Variants in FER1L6 observed in about 807,000 individuals in gnomAD.
The protein encoded by FER1L6 is fer-1-like protein 6.
FER1L6 carries 177 observed loss-of-function variants against 219.2 expected under a neutral mutation model. The ratio of observed to expected loss-of-function variants is 0.81; its 90% CI spans 0.71 to 0.91. The LOEUF is 0.91. Ranked by LOEUF, FER1L6 falls within the 40% of genes least tolerant of loss-of-function variation. The pLI is 0.00. For missense variants in FER1L6, 2,153 were observed against 2,259.9 expected (o/e 0.95, Z 0.96); for synonymous variants, 768 against 824.3 (o/e 0.93, Z 1.17).
At chr8:124,075,914 C>G (rs923346646) in intron 31 of FER1L6, among the ~76,000 whole-genome samples, 2 of 152,222 alleles carry the variant, frequency 1.3e-5, no homozygotes, top group African/African-American at 4.8e-5. Context: ...CCAAGAGCTT[C>G]TTTCCACTGA....
chr8:123,918,032 G>C (rs971641186), intron 1 of FER1L6, among the ~76,000 whole-genome samples: 4 of 152,124 alleles, frequency 2.6e-5, no homozygotes, highest in African/African-American at 4.8e-5. Flanking sequence ...AATACAGGCC[G>C]GGCCTAGTGG....
chr8:123,854,860 C>T (rs1816602637), intron 1 of FER1L6, among the ~76,000 whole-genome samples: 1 of 152,172 alleles, frequency 6.6e-6, no homozygotes, highest in Non-Finnish European at 1.5e-5. Context: ...CTGCTATACA[C>T]TTACCATAAT....
At chr8:124,058,754 C>G (rs532430774) in intron 22 of FER1L6, 1 of 152,294 alleles carries the variant, frequency 6.6e-6, no homozygotes, top group South Asian at 2.1e-4. Flanking sequence ...TTAACTTTCC[C>G]AGTGAGGTGA....
intron 33 of FER1L6, among the ~76,000 whole-genome samples, chr8:124,088,376 G>A (rs1400948163): frequency 6.6e-6 from 1 of 151,984 alleles, no homozygotes; most frequent in Non-Finnish European, 1.5e-5. Context: ...TGCCTGGCTT[G>A]TGTCTCTCCT....
In FER1L6 at chr8:123,977,611, T is replaced by A. The variant is rs1457129434; in HGVS notation, c.1063+2T>A. ...CCAACGAACAGGATGGAGACAAAGGTAAAGTCCCATCCATCTGACTTGAAA... is the reference window on the plus strand; with the variant it reads ...CCAACGAACAGGATGGAGACAAAGGAAAAGTCCCATCCATCTGACTTGAAA... On this transcript the variant is annotated splice_donor_variant, in intron 10 of 40. Coordinates refer to ENST00000522917, the MANE Select transcript of FER1L6 (RefSeq NM_001039112.2). LOFTEE classifies it high-confidence loss of function. 19 of 1,613,524 alleles carry A rather than the reference T, an allele frequency of 1.2e-5. No individual in the cohort carries two copies. The highest frequency in any genetic ancestry group is 1.1e-5 in the Non-Finnish European group (13 of 1,179,636).
At chr8:123,941,013 T>C (rs1814219182) in intron 1 of FER1L6, among the ~76,000 whole-genome samples, 2 of 152,206 alleles carry the variant, frequency 1.3e-5, no homozygotes, top group Admixed American at 6.5e-5. Flanking sequence ...TTTTTGTATA[T>C]TTATTTATAC....
intron 11 of FER1L6, among the ~76,000 whole-genome samples, chr8:123,983,068 C>A (rs1816389996): frequency 6.6e-6 from 1 of 152,204 alleles, no homozygotes; most frequent in African/African-American, 2.4e-5. Context: ...GGAAGATTAG[C>A]AAAGAATTTG....
chr8:124,000,854 C>T lies in FER1L6; in HGVS notation c.1520-2313C>T, dbSNP rs148367954. ...TACAGCTGGAAGCCTAACAAAGAAT[C>T]TCCTGTCTGCATGACGAGAAAATGG... On this transcript the variant is annotated intron_variant, in intron 12 of 40. Transcript: ENST00000522917. 2.5e-3 allele frequency among the ~76,000 whole-genome samples: 375 copies of T among 152,290 alleles called. 5 individuals carry two copies. Among genetic ancestry groups the T allele is most frequent in the African/African-American group, 8.7e-3 (363 of 41,564 alleles).
Position 124,119,935 on chromosome 8 carries a change from A to T in FER1L6, c.*145A>T. 3.7e-6 allele frequency: 3 copies of T among 806,620 alleles called. No individual in the cohort carries two copies. The highest frequency in any genetic ancestry group is 2.7e-5 in the South Asian group (1 of 37,342). The allele number at this position is 806,620 out of a possible 1,614,324, so 50.0% of individuals were successfully genotyped here. On this transcript the variant is annotated 3_prime_UTR_variant, in exon 41 of 41. Transcript: ENST00000522917. Reference sequence around the variant, plus strand: ...TTCTTGGAAGAGATGGAAAAGAAACATTTCCTCCCTGCTCCAACCCCTGCC... The same window carrying T: ...TTCTTGGAAGAGATGGAAAAGAAACTTTTCCTCCCTGCTCCAACCCCTGCC...
At chr8:123,878,188 C>T (rs1314410429) in intron 1 of FER1L6, among the ~76,000 whole-genome samples, 1 of 151,996 alleles carries the variant, frequency 6.6e-6, no homozygotes, top group Non-Finnish European at 1.5e-5. Context: ...CAGACGCAGG[C>T]CAGAGGAGAG....
chr8:124,055,307 G>A (rs1218573680), intron 22 of FER1L6, among the ~76,000 whole-genome samples: 2 of 152,038 alleles, frequency 1.3e-5, no homozygotes, highest in African/African-American at 4.8e-5. Context: ...GCGTGGTGGT[G>A]GAGGCTGCAG....
chr8:123,872,494 G>T (rs1034427490), intron 1 of FER1L6, among the ~76,000 whole-genome samples: 1 of 152,208 alleles, frequency 6.6e-6, no homozygotes, highest in African/African-American at 2.4e-5. Flanking sequence ...TAGATGGGAT[G>T]CTGGAGCGGA....
rs13282013 is a variant in FER1L6 at position 123,853,065 on chromosome 8, A to G, written c.-8+880A>G. On this transcript the variant is annotated intron_variant, in intron 1 of 40. Transcript: ENST00000522917. The surrounding 1 kb of genome is among the most constrained non-coding windows in gnomAD (Gnocchi z 6.6). ...CGCTATGTTGCTCAGGTTGGTCTCA[A>G]ACTCCTGGGCTCAAGCGATCCTCCT... 0.22 allele frequency among the ~76,000 whole-genome samples: 33,283 copies of G among 152,184 alleles called. 4,734 individuals are homozygous for G. The highest frequency in any genetic ancestry group is 0.33 in the Non-Finnish European group (22,252 of 67,982).
rs74919392 is a variant in FER1L6 at position 124,107,361 on chromosome 8, G to A, written c.5289+4052G>A. 4.5e-3 allele frequency among the ~76,000 whole-genome samples: 679 copies of A among 152,274 alleles called. 4 individuals are homozygous for A. Among genetic ancestry groups the A allele is most frequent in the Non-Finnish European group, 7.4e-3 (506 of 68,024 alleles). On this transcript the variant is annotated intron_variant, in intron 39 of 40. Transcript: ENST00000522917. ...CACATTGATTTATATGATTATCTAA[G>A]TGTCAGCTTACAAGCCAGAGAGGAA... is the stretch of plus-strand genomic sequence containing the variant.
At chr8:123,965,767 A>G (rs1267693131) in intron 3 of FER1L6, among the ~76,000 whole-genome samples, 1 of 152,202 alleles carries the variant, frequency 6.6e-6, no homozygotes, top group Non-Finnish European at 1.5e-5. Flanking sequence ...AAACCTTTAT[A>G]TGCACTATAT....
intron 7 of FER1L6, 64 bp downstream of exon 7, chr8:123,973,576 T>C: frequency 3.4e-6 from 4 of 1,176,990 alleles, no homozygotes; most frequent in Non-Finnish European, 3.8e-6. Context: ...CCTGGAGTCA[T>C]CCCATTCATT....
rs986353596 is a variant in FER1L6 at position 123,853,297 on chromosome 8, G to A, written c.-8+1112G>A. ...AGGCTCCAGAATAGCTGGGATTACA[G>A]GTGCTTGCCATCACACCCGGCTAAT... On this transcript the variant is annotated intron_variant, in intron 1 of 40. Coordinates refer to ENST00000522917, the MANE Select transcript of FER1L6 (RefSeq NM_001039112.2). The surrounding 1 kb of genome is among the most constrained non-coding windows in gnomAD (Gnocchi z 6.6). Among the ~76,000 whole-genome samples, 1 of 152,110 alleles carries A rather than the reference G, an allele frequency of 6.6e-6. No homozygotes were observed. The highest frequency in any genetic ancestry group is 6.5e-5 in the Admixed American group (1 of 15,268).
At chr8:123,909,874 G>A (rs1813021357) in intron 1 of FER1L6, among the ~76,000 whole-genome samples, 1 of 152,164 alleles carries the variant, frequency 6.6e-6, no homozygotes, top group African/African-American at 2.4e-5. Context: ...GTCTATGGAA[G>A]TTATTTTGAT....
intron 29 of FER1L6, 64 bp downstream of exon 29, chr8:124,069,539 C>T: frequency 8.2e-7 from 1 of 1,217,494 alleles, no homozygotes; most frequent in Non-Finnish European, 1.2e-6. Flanking sequence ...GAGGTTCTGT[C>T]AGTGCTTTGG....
Sources: allele counts gnomAD v4.1 joint callset (sites outside exome capture counted in the v4.1 genomes callset), GRCh38; gene constraint gnomAD v4.1.1; non-coding constraint Gnocchi (gnomAD v3.1); transcripts MANE v1.5; gene names NCBI Gene and HGNC (gene_info 2026-07-23, HGNC 2026-07-21).